The following AGBL3 variants were observed in gnomAD, a reference collection of about 807,000 sequenced individuals.
The protein encoded by AGBL3 is cytosolic carboxypeptidase 3.
Under a neutral mutation model 94.5 loss-of-function variants are expected in AGBL3, and 68 were observed. The observed-to-expected ratio is 0.72, with a 90% CI of 0.59 to 0.88. AGBL3 has a LOEUF of 0.88. AGBL3 is among the 40% of genes least tolerant of loss of function. The pLI, the probability that AGBL3 is intolerant of heterozygous loss-of-function variation, is 0.00. For missense variants in AGBL3, 934 were observed against 1,103.8 expected, an observed-to-expected ratio of 0.85 and a Z score of 2.18; for synonymous variants, 354 against 370.7, an observed-to-expected ratio of 0.95 and a Z score of 0.52.
In AGBL3 at chr7:135,045,516, C is replaced by T. The variant is rs1191929626; in HGVS notation, c.1670C>T (p.Ser557Leu). ...GTHFSTKDLE[S>L]MGYHFCDSLL... ...CATTTCAGCACGAAAGACCTGGAATCAATGGGATATCATTTTTGTGATTCT... is the reference window on the plus strand; with the variant it reads ...CATTTCAGCACGAAAGACCTGGAATTAATGGGATATCATTTTTGTGATTCT... The change falls in exon 10 of 17, where the codon TCA becomes TTA. Residue 557 changes from serine to leucine, a missense_variant. By Grantham distance (145) the Ser-to-Leu change is moderately radical. Coordinates refer to ENST00000436302, the MANE Select transcript of AGBL3 (RefSeq NM_178563.4). 1 of 1,551,212 alleles carries T rather than the reference C, an allele frequency of 6.4e-7. No individual in the cohort carries two copies. The highest frequency in any genetic ancestry group is 1.4e-5 in the African/African-American group (1 of 73,124).
At chr7:135,033,206 T>C (rs1181501950) in intron 6 of AGBL3, among the ~76,000 whole-genome samples, 1 of 152,226 alleles carries the variant, frequency 6.6e-6, no homozygotes, top group Non-Finnish European at 1.5e-5. Context: ...GTACTGTACA[T>C]TTTCAGTATG....
Position 135,125,115 on chromosome 7 carries a change from GT to G in AGBL3, c.2342+9511del, listed in dbSNP as rs879248351. Among the ~76,000 whole-genome samples the G allele has an allele frequency of 4.6e-5, 7 of 152,004 alleles. No homozygotes were observed. In the South Asian group the frequency reaches 1.5e-3, roughly 32 times the overall value. On this transcript the variant is annotated intron_variant, in intron 16 of 16. Coordinates refer to ENST00000436302, the MANE Select transcript of AGBL3 (RefSeq NM_178563.4). ...CCAAAAATCACTGACTCCAGCAGCT[GT>G]TTTTTTAAAAAAATTAACAAAATAG...
rs756065435 is a variant in AGBL3 at position 135,059,214 on chromosome 7, C to T, written c.1887C>T (p.Tyr629=). 6.4e-7 allele frequency: 1 copy of T among 1,550,962 alleles called. No homozygotes were observed. The highest frequency in any genetic ancestry group is 1.2e-5 in the South Asian group (1 of 83,994). Residue 629 remains tyrosine, a synonymous_variant, in exon 12 of 17, where the codon TAC becomes TAT. Coordinates refer to ENST00000436302, the MANE Select transcript of AGBL3 (RefSeq NM_178563.4). ...DSSESIDSLT[Y]LLKLTSQKKH... is the part of the protein sequence containing the mutation. ...CAGAATCCATTGACTCTCTGACTTA[C>T]CTTCTCAAGTTAACTTCTCAGGTAT...
chr7:135,086,325 T>C (rs1821333266), intron 15 of AGBL3, among the ~76,000 whole-genome samples: 1 of 152,044 alleles, frequency 6.6e-6, no homozygotes. Context: ...TTTCTTTCTC[T>C]TGCCTGTTTG....
chr7:135,044,531 C>T (rs58716552), intron 9 of AGBL3, among the ~76,000 whole-genome samples: 1 of 151,904 alleles, frequency 6.6e-6, no homozygotes, highest in East Asian at 1.9e-4. Context: ...GCACTTGGTT[C>T]CCTGAACAAA....
At chr7:135,087,821 T>G (rs1012065427) in intron 15 of AGBL3, among the ~76,000 whole-genome samples, 1 of 152,046 alleles carries the variant, frequency 6.6e-6, no homozygotes, top group Non-Finnish European at 1.5e-5. Context: ...TTCTTAAATG[T>G]TTATTAGGTT....
chr7:135,126,015 T>C (rs1827823994), intron 16 of AGBL3, among the ~76,000 whole-genome samples: 1 of 152,182 alleles, frequency 6.6e-6, no homozygotes, highest in Non-Finnish European at 1.5e-5. Flanking sequence ...ACCACCCCTG[T>C]TCAACATAGT....
intron 12 of AGBL3, among the ~76,000 whole-genome samples, chr7:135,068,488 A>T (rs1365714238): frequency 6.6e-6 from 1 of 152,210 alleles, no homozygotes; most frequent in Non-Finnish European, 1.5e-5. Context: ...CCAGAGAGAA[A>T]GGTCGGGTTA....
intron 15 of AGBL3, among the ~76,000 whole-genome samples, chr7:135,100,537 C>T (rs186903649): frequency 2.6e-5 from 4 of 152,270 alleles, no homozygotes; most frequent in African/African-American, 7.2e-5. Flanking sequence ...TATATCCTCT[C>T]TTCCTTCCTG....
At chr7:135,095,621 C>A (rs1485095671) in intron 15 of AGBL3, among the ~76,000 whole-genome samples, 2 of 152,232 alleles carry the variant, frequency 1.3e-5, no homozygotes, top group Non-Finnish European at 2.9e-5. Flanking sequence ...CATATGTTAT[C>A]TTTGCTTTCA....
chr7:135,051,038 T>C (rs1196493317), intron 11 of AGBL3: 3 of 447,730 alleles, frequency 6.7e-6, no homozygotes, highest in East Asian at 7.1e-5. Context: ...GACATTTTTA[T>C]TGAGATGACA....
chr7:135,000,128 G>T (rs1336643932), intron 4 of AGBL3, among the ~76,000 whole-genome samples: 1 of 152,198 alleles, frequency 6.6e-6, no homozygotes, highest in South Asian at 2.1e-4. Flanking sequence ...GAGCCCTTCT[G>T]GGCACTGCCT....
chr7:135,006,840 T>A (rs1812452409), intron 4 of AGBL3, among the ~76,000 whole-genome samples: 1 of 151,942 alleles, frequency 6.6e-6, no homozygotes, highest in Non-Finnish European at 1.5e-5. Flanking sequence ...TATGTAACTG[T>A]CCTGATAATC....
intron 2 of AGBL3, 188 bp downstream of exon 2, chr7:134,988,184 A>G: frequency 2.3e-6 from 1 of 427,768 alleles, no homozygotes; most frequent in Non-Finnish European, 4.2e-6. Flanking sequence ...CTGTCTAGAA[A>G]GAGAAACTAT....
intron 12 of AGBL3, among the ~76,000 whole-genome samples, chr7:135,070,660 T>C (rs1375689334): frequency 1.3e-5 from 2 of 152,078 alleles, no homozygotes; most frequent in African/African-American, 4.8e-5. Context: ...AAAAGGCCTT[T>C]GACAAAATTC....
chr7:134,995,653 A>G (rs2133384359), intron 4 of AGBL3: 1 of 152,352 alleles, frequency 6.6e-6, no homozygotes. Context: ...CATAATGAAT[A>G]GACTTTGGGC....
intron 16 of AGBL3, among the ~76,000 whole-genome samples, chr7:135,133,251 G>A (rs1829046581): frequency 6.6e-6 from 1 of 152,160 alleles, no homozygotes; most frequent in African/African-American, 2.4e-5. Flanking sequence ...TTTCTATGCT[G>A]AAAAGTATAC....
At chr7:135,086,547 T>C (rs1395031796) in intron 15 of AGBL3, among the ~76,000 whole-genome samples, 2 of 152,040 alleles carry the variant, frequency 1.3e-5, no homozygotes, top group Non-Finnish European at 2.9e-5. Flanking sequence ...TTTTATCAAA[T>C]GCTTTTTCTG....
chr7:135,029,002 G>A (rs1280281762), intron 5 of AGBL3, among the ~76,000 whole-genome samples: 1 of 152,190 alleles, frequency 6.6e-6, no homozygotes, highest in East Asian at 1.9e-4. Flanking sequence ...TGAGAGGTCA[G>A]TCTCAATAAT....
Sources: gnomAD v4.1 joint callset for allele counts (sites outside exome capture counted in the v4.1 genomes callset) on GRCh38, gnomAD v4.1.1 for gene constraint, MANE v1.5 for transcripts, NCBI Gene and HGNC (gene_info 2026-07-23, HGNC 2026-07-21) for gene names.